The following KRCC1 variants were observed in gnomAD, a reference collection of about 807,000 sequenced individuals.
KRCC1 encodes lysine rich coiled-coil 1, also known as lysine-rich coiled-coil protein 1.
In KRCC1, 3 loss-of-function variants were observed where a neutral mutation model predicts 7.4. The observed-to-expected ratio is 0.40, with a 90% CI of 0.18 to 1.04. The LOEUF is 1.04. Ranked by LOEUF, KRCC1 falls within the 50% of genes least tolerant of loss-of-function variation. The pLI is 0.33. For missense variants in KRCC1, 277 were observed against 300.9 expected, an observed-to-expected ratio of 0.92 and a Z score of 0.59; for synonymous variants, 102 against 101.6, an observed-to-expected ratio of 1.00 and a Z score of -0.02.
At chr2:88,044,020 C>T (rs905415392) in intron 1 of KRCC1, among the ~76,000 whole-genome samples, 4 of 152,076 alleles carry the variant, frequency 2.6e-5, no homozygotes, top group African/African-American at 9.7e-5. Flanking sequence ...GGGCTCAGTA[C>T]AATTACTTTC....
chr2:88,054,706 T>C (rs185672717), intron 1 of KRCC1, among the ~76,000 whole-genome samples: 3 of 152,230 alleles, frequency 2.0e-5, no homozygotes, highest in East Asian at 3.9e-4. Context: ...TCGGTGAAAA[T>C]AGGAATGGAG....
At chr2:88,050,864 G>T (rs948939582) in intron 1 of KRCC1, among the ~76,000 whole-genome samples, 3 of 150,074 alleles carry the variant, frequency 2.0e-5, no homozygotes, top group African/African-American at 7.4e-5. Flanking sequence ...TTGGATTTTT[G>T]TGATTAATTT....
chr2:88,038,055 C>T (rs896732661), intron 1 of KRCC1, among the ~76,000 whole-genome samples: 13 of 152,262 alleles, frequency 8.5e-5, no homozygotes, highest in South Asian at 2.1e-4. Context: ...TATGTAATGT[C>T]ATGGAGAAAT....
At position 88,028,002 on chromosome 2, in the gene KRCC1, C is replaced by T. The variant is rs1672908295; in HGVS notation, c.562G>A (p.Asp188Asn). The change falls in exon 4 of 4, where the codon GAC becomes AAC. Residue 188 changes from aspartate to asparagine, a missense_variant. Asp to Asn is a conservative substitution (Grantham distance 23). Coordinates refer to ENST00000347055, the MANE Select transcript of KRCC1 (RefSeq NM_016618.3). ...TGGATGCTCTTGTGTTTGTCTAAGT[C>T]AATTTCCTCGCAGCTTTTTTTTCTC... ...HKRKKSCEEI[D>N]LDKHKSIQRK... 8.7e-6 allele frequency: 14 copies of T among 1,614,000 alleles called. No individual in the cohort carries two copies. Among genetic ancestry groups the T allele is most frequent in the South Asian group, 2.2e-5 (2 of 91,068 alleles).
chr2:88,047,038 TCAA>T (rs1219201291), intron 1 of KRCC1, among the ~76,000 whole-genome samples: 2 of 152,156 alleles, frequency 1.3e-5, no homozygotes, highest in African/African-American at 4.8e-5. Context: ...AAACTGCACA[TCAA>T]CTACTGTATT....
At position 88,042,312 on chromosome 2, in the gene KRCC1, G is replaced by A. The variant is rs138023770; in HGVS notation, c.-290-5261C>T. 9.2e-3 allele frequency among the ~76,000 whole-genome samples: 1,405 copies of A among 152,056 alleles called. 16 individuals carry two copies. The highest frequency in any genetic ancestry group is 0.032 in the African/African-American group (1,318 of 41,472). On this transcript the variant is annotated intron_variant, in intron 1 of 3. Transcript: ENST00000347055. ...CCTGACCTCATGATCCAACCCCCTC[G>A]GAATCCCAAAGTCCTGGGATTACAG...
At chr2:88,048,023 T>C (rs1408050010) in intron 1 of KRCC1, among the ~76,000 whole-genome samples, 2 of 152,132 alleles carry the variant, frequency 1.3e-5, no homozygotes, top group East Asian at 3.9e-4. Flanking sequence ...TTAGGAGACA[T>C]TTTATATCTC....
chr2:88,042,619 T>A (rs1299576506), intron 1 of KRCC1, among the ~76,000 whole-genome samples: 1 of 152,102 alleles, frequency 6.6e-6, no homozygotes, highest in Non-Finnish European at 1.5e-5. Context: ...AGGAATCTCA[T>A]TATGTTGCCC....
At chr2:88,039,010 G>A (rs1318624406) in intron 1 of KRCC1, among the ~76,000 whole-genome samples, 3 of 152,158 alleles carry the variant, frequency 2.0e-5, no homozygotes, top group African/African-American at 7.2e-5. Context: ...TTGACTGCCT[G>A]TATCCTTGAA....
chr2:88,038,106 A>T (rs926598366), intron 1 of KRCC1, among the ~76,000 whole-genome samples: 3 of 152,360 alleles, frequency 2.0e-5, no homozygotes, highest in Admixed American at 1.3e-4. Flanking sequence ...TGTAGAACTC[A>T]ATCAATTGCT....
At chr2:88,043,507 G>A (rs1673258565) in intron 1 of KRCC1, among the ~76,000 whole-genome samples, 1 of 152,138 alleles carries the variant, frequency 6.6e-6, no homozygotes, top group South Asian at 2.1e-4. Context: ...TTTCATAAAA[G>A]AAACTAGGCA....
At chr2:88,040,864 TAAG>T (rs948954367) in intron 1 of KRCC1, among the ~76,000 whole-genome samples, 43 of 152,178 alleles carry the variant, frequency 2.8e-4, no homozygotes, top group African/African-American at 9.2e-4. Flanking sequence ...AATGGACACT[TAAG>T]GAGATGGGTA....
At position 88,029,856 on chromosome 2, in the gene KRCC1, T is replaced by TA. The variant is rs1558830162; in HGVS notation, c.-22-1272_-22-1271insT. Among the ~76,000 whole-genome samples, 4 of 20,366 alleles carry TA rather than the reference T, an allele frequency of 2.0e-4. No homozygotes were observed. In the East Asian group the frequency reaches 0.024, roughly 123 times the overall value. 13.4% of individuals were successfully genotyped at this position (20,366 alleles called of 152,430 possible). A position where few individuals can be genotyped will look rare whatever the true frequency, so the allele number is the denominator to read the frequency against. ...TATAAAAAAATATATATATATATATTTTTTTTTTTGAGATGGAGTCTTGCC... is the reference window on the plus strand; with the variant it reads ...TATAAAAAAATATATATATATATATTATTTTTTTTTGAGATGGAGTCTTGCC... On this transcript the variant is annotated intron_variant, in intron 3 of 3. Coordinates refer to ENST00000347055, the MANE Select transcript of KRCC1 (RefSeq NM_016618.3).
chr2:88,044,401 CAAA>C (rs10527729), intron 1 of KRCC1, among the ~76,000 whole-genome samples: 3 of 146,646 alleles, frequency 2.0e-5, no homozygotes, highest in Non-Finnish European at 1.5e-5. Context: ...CAAAAGAAAA[CAAA>C]AAAAAAAAAA....
chr2:88,055,335 G>C (rs1053846007), intron 1 of KRCC1, among the ~76,000 whole-genome samples: 1 of 151,822 alleles, frequency 6.6e-6, no homozygotes, highest in Non-Finnish European at 1.5e-5. Flanking sequence ...TCCGGGTCTA[G>C]ATTTCCTCCG....
intron 1 of KRCC1, among the ~76,000 whole-genome samples, chr2:88,045,689 CTTTT>C (rs955798217): frequency 6.8e-6 from 1 of 146,016 alleles, no homozygotes; most frequent in Non-Finnish European, 1.5e-5. Flanking sequence ...TTGAATTGTA[CTTTT>C]TTTTTTTTGA....
chr2:88,054,399 C>T (rs990952818), intron 1 of KRCC1, among the ~76,000 whole-genome samples: 2 of 152,192 alleles, frequency 1.3e-5, no homozygotes, highest in African/African-American at 4.8e-5. Context: ...CTCACAACTA[C>T]GAATCCTCCT....
chr2:88,053,029 T>C (rs900207500), intron 1 of KRCC1, among the ~76,000 whole-genome samples: 2 of 152,148 alleles, frequency 1.3e-5, no homozygotes, highest in Non-Finnish European at 2.9e-5. Flanking sequence ...ACATTCAGGA[T>C]TCTGTCTCTT....
intron 1 of KRCC1, among the ~76,000 whole-genome samples, chr2:88,046,300 G>T (rs1266705722): frequency 6.6e-6 from 1 of 152,142 alleles, no homozygotes; most frequent in Non-Finnish European, 1.5e-5. Context: ...CTCCGCCTTA[G>T]GTTCCTTACC....
Sources: allele counts gnomAD v4.1 joint callset (sites outside exome capture counted in the v4.1 genomes callset), GRCh38; gene constraint gnomAD v4.1.1; transcripts MANE v1.5; gene names NCBI Gene and HGNC (gene_info 2026-07-23, HGNC 2026-07-21).